The following TCHP variants were observed in gnomAD, a reference collection of about 807,000 sequenced individuals.
The protein encoded by TCHP is trichoplein keratin filament binding.
In TCHP, 81 loss-of-function variants were observed where a neutral mutation model predicts 88.7. The ratio of observed to expected loss-of-function variants is 0.91; its 90% CI spans 0.76 to 1.10. The LOEUF (loss-of-function observed/expected upper bound fraction) is 1.10. TCHP is among the 50% of genes least tolerant of loss of function. The pLI, the probability that TCHP is intolerant of heterozygous loss-of-function variation, is 0.00. For missense variants in TCHP, 641 were observed against 632.1 expected, an observed-to-expected ratio of 1.01 and a Z score of -0.15; for synonymous variants, 232 against 232.5, an observed-to-expected ratio of 1.00 and a Z score of 0.02.
the TCHP span, among the ~76,000 whole-genome samples, chr12:109,889,286 A>G: frequency 6.6e-6 from 1 of 152,260 alleles, no homozygotes; most frequent in African/African-American, 2.4e-5. Context: ...ATCCTGGCTA[A>G]CACGGTGAAA....
At chr12:109,915,637 G>T (rs921493324) in intron 12 of TCHP, 91 bp downstream of exon 12, 12 of 1,419,636 alleles carry the variant, frequency 8.5e-6, no homozygotes, top group African/African-American at 1.4e-5. Flanking sequence ...CCCCGCGCCG[G>T]GGTCTGCTCT....
Position 109,908,167 on chromosome 12 carries a change from C to A in TCHP, c.700-419C>A, listed in dbSNP as rs139951609. Among the ~76,000 whole-genome samples the A allele has an allele frequency of 6.8e-3, 1,037 of 152,308 alleles. 1 individual carries two copies. Among genetic ancestry groups the A allele is most frequent in the Non-Finnish European group, 9.4e-3 (641 of 68,032 alleles). ...ATTTAGAAGAGGGAGGCCCATGCTCCTGTGACCTCACTTCCCCTTGCCCAG... is the reference window on the plus strand; with the variant it reads ...ATTTAGAAGAGGGAGGCCCATGCTCATGTGACCTCACTTCCCCTTGCCCAG... On this transcript the variant is annotated intron_variant, in intron 6 of 12. Coordinates refer to ENST00000405876, the MANE Select transcript of TCHP (RefSeq NM_001143852.2).
chr12:109,914,784 T>G (rs1351240895), intron 11 of TCHP, 157 bp downstream of exon 11: 1 of 602,984 alleles, frequency 1.7e-6, no homozygotes, highest in Non-Finnish European at 2.9e-6. Flanking sequence ...CTCATCCTCT[T>G]GACTGTGGCT....
chr12:109,897,747 A>G (rs527318605), upstream of TCHP, among the ~76,000 whole-genome samples: 1 of 152,026 alleles, frequency 6.6e-6, no homozygotes, highest in Non-Finnish European at 1.5e-5. Context: ...TAGTAGAGAC[A>G]AGGTTTCGCC....
the TCHP span, among the ~76,000 whole-genome samples, chr12:109,881,872 C>T: frequency 6.6e-6 from 1 of 152,216 alleles, no homozygotes. Flanking sequence ...TGTTGAGAGC[C>T]TCTTATTCAT....
intron 3 of TCHP, 23 bp from the exon 4 acceptor site, chr12:109,904,714 T>C: frequency 2.5e-6 from 4 of 1,607,296 alleles, no homozygotes; most frequent in Non-Finnish European, 3.4e-6. Context: ...CATCAGGCTT[T>C]CCATTTTGTG....
chr12:109,911,179 T>G lies in TCHP; in HGVS notation c.996T>G (p.Ile332Met), dbSNP rs1334392940. ...MADVAWMKQAIEEQLQLERAR... is the reference protein window; with the variant it reads ...MADVAWMKQAMEEQLQLERAR... ...ATGTGGCCTGGATGAAGCAGGCCATTGAGGAGCAGCTGCAGCTGGAGCGGG... is the reference window on the plus strand; with the variant it reads ...ATGTGGCCTGGATGAAGCAGGCCATGGAGGAGCAGCTGCAGCTGGAGCGGG... Residue 332 changes from isoleucine to methionine, a missense_variant, in exon 9 of 13, where the codon ATT becomes ATG. Transcript: ENST00000405876. 1 of 1,591,870 alleles carries G rather than the reference T, an allele frequency of 6.3e-7. No individual in the cohort carries two copies. The highest frequency in any genetic ancestry group is 8.5e-7 in the Non-Finnish European group (1 of 1,171,710).
chr12:109,912,301 C>G (rs913153881), intron 9 of TCHP, among the ~76,000 whole-genome samples: 3 of 151,344 alleles, frequency 2.0e-5, no homozygotes, highest in Non-Finnish European at 4.4e-5. Flanking sequence ...TTGTGAGACC[C>G]GGAGACTTGA....
Position 109,916,573 on chromosome 12 carries a change from TTTTC to T in TCHP, c.1465-10_1465-7del, listed in dbSNP as rs749876303. On this transcript the variant is annotated splice_polypyrimidine_tract_variant and intron_variant, in intron 12 of 12. Coordinates refer to ENST00000405876, the MANE Select transcript of TCHP (RefSeq NM_001143852.2). ...TACTGCTGATCTGATCACTCTTATG[TTTTC>T]TTTCTTTTCTCAGCCTTACGGACAT... 4 of 1,612,398 alleles carry T rather than the reference TTTTC, an allele frequency of 2.5e-6. No homozygotes were observed. Among genetic ancestry groups the T allele is most frequent in the East Asian group, 2.2e-5 (1 of 44,822 alleles).
At chr12:109,884,362 T>C in the TCHP span, among the ~76,000 whole-genome samples, 4 of 151,820 alleles carry the variant, frequency 2.6e-5, no homozygotes, top group Non-Finnish European at 5.9e-5. Flanking sequence ...CTAATTTGTT[T>C]GATTTTTAGT....
the TCHP span, among the ~76,000 whole-genome samples, chr12:109,894,234 G>A: frequency 7.2e-4 from 103 of 143,640 alleles, no homozygotes; most frequent in African/African-American, 2.4e-3. Flanking sequence ...CGAGGCGGGC[G>A]GATCACGAGA....
the TCHP span, among the ~76,000 whole-genome samples, chr12:109,885,809 G>T: frequency 6.6e-6 from 1 of 150,692 alleles, no homozygotes; most frequent in African/African-American, 2.4e-5. Context: ...GCACAGTCTT[G>T]CTCTGTTACT....
Position 109,904,022 on chromosome 12 carries a change from CAGG to C in TCHP, c.280_282del (p.Glu94del). 6.2e-7 allele frequency: 1 copy of C among 1,608,648 alleles called. No homozygotes were observed. Among genetic ancestry groups the C allele is most frequent in the Non-Finnish European group, 8.5e-7 (1 of 1,177,582 alleles). ...ACGGGAAAAGCTCAGGCAGCTCATG[CAGG>C]AGGAGCAGGACCTGCTGGCCAGAGA... is the stretch of plus-strand genomic sequence containing the variant. On this transcript the variant is annotated inframe_deletion, in exon 3 of 13. Transcript: ENST00000405876.
chr12:109,914,897 T>C (rs1008326309), intron 11 of TCHP: 4 of 438,516 alleles, frequency 9.1e-6, no homozygotes, highest in African/African-American at 4.0e-5. Context: ...CCGGGGGCCA[T>C]AGATCTCTCT....
intron 6 of TCHP, among the ~76,000 whole-genome samples, chr12:109,908,318 A>G (rs1870262064): frequency 6.6e-6 from 1 of 152,222 alleles, no homozygotes; most frequent in Non-Finnish European, 1.5e-5. Context: ...GGGCTGTGTC[A>G]GGTGGAGGAC....
chr12:109,897,759 C>T (rs778179964), upstream of TCHP, among the ~76,000 whole-genome samples: 12 of 152,016 alleles, frequency 7.9e-5, no homozygotes, highest in Non-Finnish European at 1.2e-4. Flanking sequence ...GGTTTCGCCA[C>T]GTTGGCCAGG....
chr12:109,881,859 C>A, the TCHP span, among the ~76,000 whole-genome samples: 6 of 152,178 alleles, frequency 3.9e-5, no homozygotes, highest in African/African-American at 1.4e-4. Flanking sequence ...TCTAACACAC[C>A]ATTGTTGAGA....
rs1484289530 is a variant in TCHP, at chr12:109,903,933, C to G, written c.189-4C>G. 6.2e-7 allele frequency: 1 copy of G among 1,601,208 alleles called. No individual in the cohort carries two copies. The highest frequency in any genetic ancestry group is 2.2e-5 in the East Asian group (1 of 44,516). On this transcript the variant is annotated splice_region_variant and splice_polypyrimidine_tract_variant and intron_variant, in intron 2 of 12. Coordinates refer to ENST00000405876, the MANE Select transcript of TCHP (RefSeq NM_001143852.2). This position sits in a 1 kb window ranked among gnomAD's most constrained non-coding sequence, Gnocchi z 4.6. ...TTGATTCAGGCAGGCCCCCTCTCACCCAGCATGCATGCCTATCAGCGGGAG... is the reference window on the plus strand; with the variant it reads ...TTGATTCAGGCAGGCCCCCTCTCACGCAGCATGCATGCCTATCAGCGGGAG...
the TCHP span, among the ~76,000 whole-genome samples, chr12:109,890,707 A>C: frequency 6.6e-6 from 1 of 152,080 alleles, no homozygotes; most frequent in East Asian, 1.9e-4. Flanking sequence ...ACCGGCTTTC[A>C]CCACGTTGGC....
Sources: allele counts gnomAD v4.1 joint callset (sites outside exome capture counted in the v4.1 genomes callset), GRCh38; gene constraint gnomAD v4.1.1; non-coding constraint Gnocchi (gnomAD v3.1); transcripts MANE v1.5; gene names NCBI Gene and HGNC (gene_info 2026-07-23, HGNC 2026-07-21).